AGRN: variants seen among roughly 807,000 people sequenced by gnomAD.
AGRN encodes the protein agrin proteoglycan.
A neutral mutation model predicts 211.0 loss-of-function variants in AGRN; 106 were observed. The observed-to-expected ratio is 0.50, with a 90% CI of 0.43 to 0.59. The LOEUF (loss-of-function observed/expected upper bound fraction) is 0.59, where lower values mean the gene tolerates loss of function less well. Among genes scored for constraint, AGRN ranks in the 20% least tolerant of loss-of-function variants. The pLI is 0.00. For missense variants in AGRN, 3,040 were observed against 2,982.6 expected, an observed-to-expected ratio of 1.02 and a Z score of -0.45; for synonymous variants, 1,525 against 1,332.5, an observed-to-expected ratio of 1.14 and a Z score of -3.15.
rs1283407813 is a variant in AGRN, at chr1:1,040,675, A to T, written c.522A>T (p.Gly174=). 6.5e-7 allele frequency: 1 copy of T among 1,547,298 alleles called. No homozygotes were observed. The highest frequency in any genetic ancestry group is 2.5e-5 in the East Asian group (1 of 40,782). The stretch of plus-strand genomic sequence containing the variant: ...CCCTACCCGCCCCAGCGTGCCGGGG[A>T]ATGCTGTGCGGCTTCGGCGCCGTGT... The part of the protein sequence containing the change: ...VPPTPPDACR[G]MLCGFGAVCE... The change falls in exon 4 of 36, where the codon GGA becomes GGT. Residue 174 remains glycine, a synonymous_variant. Transcript: ENST00000379370.
chr1:1,050,333 G>C lies in AGRN; in HGVS notation c.4976+4G>C. 6.2e-7 allele frequency: 1 copy of C among 1,612,832 alleles called. No homozygotes were observed. The highest frequency in any genetic ancestry group is 2.2e-5 in the East Asian group (1 of 44,870). ...ACACCTTTGCACGGGACCTGGGGTC[G>C]GTGGGGCAGGAGCAGGGGGAAGGGC... is the stretch of plus-strand genomic sequence containing the variant. On this transcript the variant is annotated splice_donor_region_variant and intron_variant, in intron 28 of 35. Coordinates refer to ENST00000379370, the MANE Select transcript of AGRN (RefSeq NM_198576.4).
Position 1,020,145 on chromosome 1 carries a change from C to A in AGRN, c.-28C>A. On this transcript the variant is annotated 5_prime_UTR_variant, in exon 1 of 36. Coordinates refer to ENST00000379370, the MANE Select transcript of AGRN (RefSeq NM_198576.4). ...AGTCCCGTCCCCGGCGCGGCCCGCG[C>A]GCTCCTCCGCCGCCTCTCGCCTGCG... 3 of 1,214,216 alleles carry A rather than the reference C, an allele frequency of 2.5e-6. No homozygotes were observed. The highest frequency in any genetic ancestry group is 2.2e-5 in the South Asian group (1 of 45,982). 75.2% of individuals were successfully genotyped at this position (1,214,216 alleles called of 1,614,324 possible).
intron 12 of AGRN, among the ~76,000 whole-genome samples, chr1:1,044,925 G>A (rs180829940): frequency 1.4e-4 from 21 of 152,328 alleles, no homozygotes; most frequent in African/African-American, 4.8e-4. Flanking sequence ...CTGCGTGTCC[G>A]TGATCTTTGG....
At chr1:1,021,714 C>T (rs1468596156) in intron 1 of AGRN, among the ~76,000 whole-genome samples, 1 of 152,244 alleles carries the variant, frequency 6.6e-6, no homozygotes, top group Non-Finnish European at 1.5e-5. Flanking sequence ...CACAGGCTGC[C>T]CTGAGTGCAC....
chr1:1,052,465 T>C (rs1463763716), intron 33 of AGRN: 3 of 288,894 alleles, frequency 1.0e-5, no homozygotes, highest in African/African-American at 6.6e-5. Context: ...TGTGTGTGCA[T>C]GGCTCCATGT....
At chr1:1,051,989 C>T in intron 33 of AGRN, 174 bp downstream of exon 33, 1 of 1,543,676 alleles carries the variant, frequency 6.5e-7, no homozygotes, top group South Asian at 1.2e-5. Flanking sequence ...TCTTTGTTTC[C>T]AAGCGAACTG....
rs1273830898 is a variant in AGRN, at chr1:1,045,361, G to T, written c.2374G>T (p.Ala792Ser). 2 of 1,611,482 alleles carry T rather than the reference G, an allele frequency of 1.2e-6. No homozygotes were observed. Among genetic ancestry groups the T allele is most frequent in the South Asian group, 2.2e-5 (2 of 91,080 alleles). ...CTTGTCCTGCCCTGGCCTTTCAGGT[G>T]CCTGCCAGTGCAACCCCCATGGCTC... ...RGVGLAGCPS[A>S]CQCNPHGSYG... Residue 792 changes from alanine to serine, a missense_variant and splice_region_variant, in exon 14 of 36, where the codon GCC (alanine) becomes TCC (serine). Ala to Ser is a moderately conservative substitution (Grantham distance 99). Coordinates refer to ENST00000379370, the MANE Select transcript of AGRN (RefSeq NM_198576.4).
chr1:1,044,265 C>T lies in AGRN; in HGVS notation c.2148+8C>T. ...AGTGTCCCAGGCAGCCCGGTGAGCT[C>T]TGTACCCCTGGCTCTCGGCGGGCGG... On this transcript the variant is annotated splice_region_variant and intron_variant, in intron 11 of 35. Coordinates refer to ENST00000379370, the MANE Select transcript of AGRN (RefSeq NM_198576.4). 1 of 1,612,810 alleles carries T rather than the reference C, an allele frequency of 6.2e-7. No homozygotes were observed.
intron 7 of AGRN, among the ~76,000 whole-genome samples, chr1:1,042,656 T>C (rs552370887): frequency 1.3e-5 from 2 of 152,304 alleles, no homozygotes; most frequent in African/African-American, 4.8e-5. Context: ...TTTGGTCTCT[T>C]CTTCCCTGTC....
intron 2 of AGRN, among the ~76,000 whole-genome samples, chr1:1,022,829 G>A (rs757427327): frequency 5.9e-5 from 9 of 152,244 alleles, no homozygotes; most frequent in South Asian, 2.1e-4. Context: ...CCAGACCTCC[G>A]TCTAGACGGG....
chr1:1,049,111 C>CGGGGGGGAGGGG (rs754994713), intron 24 of AGRN, 52 bp downstream of exon 24: 9 of 342,468 alleles, frequency 2.6e-5, no homozygotes, highest in African/African-American at 7.4e-5. Flanking sequence ...GGGGAGGGGA[C>CGGGGGGGAGGGG]GGGCGGGGGA....
chr1:1,037,465 C>T (rs1158238252), intron 3 of AGRN, among the ~76,000 whole-genome samples: 3 of 152,220 alleles, frequency 2.0e-5, no homozygotes, highest in Non-Finnish European at 2.9e-5. Flanking sequence ...GGGGCATCCT[C>T]TCCATCCCCC....
At chr1:1,038,991 C>T (rs1365971851) in intron 3 of AGRN, among the ~76,000 whole-genome samples, 2 of 152,184 alleles carry the variant, frequency 1.3e-5, no homozygotes, top group Non-Finnish European at 2.9e-5. Flanking sequence ...GCAGACGGGC[C>T]ACATAGCGCT....
At position 1,054,458 on chromosome 1, in the gene AGRN, G is replaced by T; in HGVS notation, c.5887G>T (p.Glu1963Ter). Residue 1963 changes from glutamate to a stop codon, truncating the protein, a stop_gained, in exon 35 of 36, where the codon GAA becomes TAA. Transcript: ENST00000379370. LOFTEE classifies it high-confidence loss of function. Reference sequence around the variant, plus strand: ...TCCCTGCACACCCAGGGAGCAGAGGGAAGGTTCCCTGCAGGTGGGCAATGA... The same window carrying T: ...TCCCTGCACACCCAGGGAGCAGAGGTAAGGTTCCCTGCAGGTGGGCAATGA... ...LRVVAHREQR[E>*]GSLQVGNEAP... The T allele has an allele frequency of 6.3e-7, 1 of 1,589,424 alleles. No homozygotes were observed. The highest frequency in any genetic ancestry group is 2.3e-5 in the East Asian group (1 of 43,774).
intron 3 of AGRN, among the ~76,000 whole-genome samples, chr1:1,036,554 T>C (rs1161137886): frequency 6.6e-6 from 1 of 152,072 alleles, no homozygotes; most frequent in Admixed American, 6.5e-5. Flanking sequence ...ACTCAACTCC[T>C]GGTCCCAGGG....
chr1:1,040,208 TGG>T (rs1332183333), intron 3 of AGRN, among the ~76,000 whole-genome samples: 1 of 151,966 alleles, frequency 6.6e-6, no homozygotes. Context: ...CCCGGCTCCA[TGG>T]GGTGAATCGG....
At chr1:1,029,406 G>GGTGGGGGGATCAGTGTCTATGCAGGCAT (rs1644598442) in intron 2 of AGRN, among the ~76,000 whole-genome samples, 1 of 143,584 alleles carries the variant, frequency 7.0e-6, no homozygotes, top group South Asian at 2.5e-4. Flanking sequence ...TATGCAGGCA[G>GGTGGGGGGATCAGTGTCTATGCAGGCAT]GTGGGGGGGA....
chr1:1,029,228 C>T (rs185608679), intron 2 of AGRN, among the ~76,000 whole-genome samples: 1 of 152,184 alleles, frequency 6.6e-6, no homozygotes, highest in East Asian at 1.9e-4. Context: ...TAAGTACCTG[C>T]GGGTGCCCAA....
At position 1,031,815 on chromosome 1, in the gene AGRN, G is replaced by A. The variant is rs1483268861; in HGVS notation, c.464-3462G>A. 6.6e-6 allele frequency among the ~76,000 whole-genome samples: 1 copy of A among 152,222 alleles called. No individual in the cohort carries two copies. The highest frequency in any genetic ancestry group is 1.5e-5 in the Non-Finnish European group (1 of 68,026). On this transcript the variant is annotated intron_variant, in intron 2 of 35. Transcript: ENST00000379370. This position sits in a 1 kb window ranked among gnomAD's most constrained non-coding sequence, Gnocchi z 4.8. ...GCCCAGAGATCCCATGGCTGAAGGT[G>A]GTGGCAGCAGGCGGGCTGGCGCGTG...
Sources: gnomAD v4.1 joint callset for allele counts (sites outside exome capture counted in the v4.1 genomes callset) on GRCh38, gnomAD v4.1.1 for gene constraint, Gnocchi (gnomAD v3.1) non-coding constraint, MANE v1.5 for transcripts, NCBI Gene and HGNC (gene_info 2026-07-23, HGNC 2026-07-21) for gene names.